SYNE1: variants seen among roughly 807,000 people sequenced by gnomAD.
SYNE1 encodes nesprin-1.
SYNE1 carries 616 observed loss-of-function variants against 1,111.0 expected under a neutral mutation model. That is an observed-to-expected ratio of 0.55 (90% CI 0.52 to 0.59). The LOEUF is 0.59. Ranked by LOEUF, SYNE1 falls within the 20% of genes least tolerant of loss-of-function variation. The pLI, the probability that SYNE1 is intolerant of heterozygous loss-of-function variation, is 0.00. For missense variants in SYNE1, 10,006 were observed against 10,417.0 expected, an observed-to-expected ratio of 0.96 and a Z score of 1.72; for synonymous variants, 3,855 against 3,825.8, an observed-to-expected ratio of 1.01 and a Z score of -0.28.
intron 14 of SYNE1, among the ~76,000 whole-genome samples, chr6:152,476,496 G>A (rs2098835588): frequency 6.6e-6 from 1 of 152,166 alleles, no homozygotes; most frequent in East Asian, 1.9e-4. Context: ...GATGGAAATG[G>A]TACCCTGGCT....
intron 66 of SYNE1, among the ~76,000 whole-genome samples, chr6:152,357,923 T>C (rs2154058106): frequency 6.6e-6 from 1 of 152,320 alleles, no homozygotes; most frequent in South Asian, 2.1e-4. Context: ...CTTCTAGAAC[T>C]CTGAGCCCGA....
chr6:152,315,966 A>G (rs1456203125), intron 87 of SYNE1: 1 of 152,240 alleles, frequency 6.6e-6, no homozygotes, highest in Non-Finnish European at 1.5e-5. Context: ...ACAAGGATAC[A>G]TAAATAATAT....
chr6:152,422,858 A>T (rs2098288517), intron 39 of SYNE1, among the ~76,000 whole-genome samples: 1 of 152,244 alleles, frequency 6.6e-6, no homozygotes, highest in Non-Finnish European at 1.5e-5. Context: ...TCCATTTAGC[A>T]TTTCACATTA....
rs2090045012 is a variant in SYNE1 at position 152,253,817 on chromosome 6, GGTTTTTTTTT to G, written c.19470+1053_19470+1062del. Among the ~76,000 whole-genome samples, 7 of 59,154 alleles carry G rather than the reference GGTTTTTTTTT, an allele frequency of 1.2e-4. 1 individual carries two copies. The highest frequency in any genetic ancestry group is 1.4e-3 in the South Asian group (2 of 1,474). 38.8% of individuals were successfully genotyped at this position (59,154 alleles called of 152,430 possible). A position where few individuals can be genotyped will look rare whatever the true frequency, so the allele number is the denominator to read the frequency against. ...ATGCTACATTTATGTGTAGTGGTTT[GGTTTTTTTTT>G]TTTTTTTTTTTTTTTTTTTTTTTTT... On this transcript the variant is annotated intron_variant, in intron 104 of 145. Transcript: ENST00000367255.
At chr6:152,336,535 T>C in intron 76 of SYNE1, 2 of 422,984 alleles carry the variant, frequency 4.7e-6, no homozygotes, top group South Asian at 4.2e-5. Flanking sequence ...CCTAGATCCC[T>C]TGCATGCGCA....
chr6:152,423,406 C>T (rs1031028072), intron 39 of SYNE1, among the ~76,000 whole-genome samples: 1 of 152,174 alleles, frequency 6.6e-6, no homozygotes, highest in Non-Finnish European at 1.5e-5. Flanking sequence ...CTCTAGGGGG[C>T]CAAGGGCCTC....
Position 152,330,306 on chromosome 6 carries a change from T to G in SYNE1, c.14379A>C (p.Gln4793His), listed in dbSNP as rs1554467447. The G allele has an allele frequency of 6.2e-7, 1 of 1,614,036 alleles. No homozygotes were observed. Among genetic ancestry groups the G allele is most frequent in the Admixed American group, 1.7e-5 (1 of 60,002 alleles). The change falls in exon 78 of 146, where the codon CAA (glutamine) becomes CAC (histidine). Residue 4793 changes from glutamine to histidine, a missense_variant. By Grantham distance (24) the Gln-to-His change is conservative. This residue lies in a region of SYNE1 where 4,955 missense variants were observed against 5,017.2 expected (regional missense o/e 0.99). Coordinates refer to ENST00000367255, the MANE Select transcript of SYNE1 (RefSeq NM_182961.4). ...HEKMCQQLER[Q>H]LKSVKEEQSK... is the part of the protein sequence containing the mutation. ...ACTGCTCCTCTTTTACAGACTTCAG[T>G]TGTCTCTCCAGCTGTTGGCACATCT... is the stretch of plus-strand genomic sequence containing the variant.
intron 36 of SYNE1, 139 bp downstream of exon 36, chr6:152,429,973 A>C (rs1055359934): frequency 7.6e-6 from 5 of 657,284 alleles, no homozygotes; most frequent in Admixed American, 4.7e-5. Flanking sequence ...TGAATACATT[A>C]GATCTATATA....
At chr6:152,449,746 T>C (rs2154249146) in intron 27 of SYNE1, 105 bp from the exon 28 acceptor site, 6 of 908,034 alleles carry the variant, frequency 6.6e-6, no homozygotes, top group Non-Finnish European at 1.1e-5. Flanking sequence ...AATTAAGTGA[T>C]TACCAAATTG....
intron 127 of SYNE1, among the ~76,000 whole-genome samples, chr6:152,193,931 T>A (rs2073343549): frequency 6.7e-6 from 1 of 149,562 alleles, no homozygotes; most frequent in Non-Finnish European, 1.5e-5. Flanking sequence ...GAGAATGGCA[T>A]GAACCCAGGA....
intron 3 of SYNE1, among the ~76,000 whole-genome samples, chr6:152,620,830 G>A (rs1257654125): frequency 6.6e-6 from 1 of 152,156 alleles, no homozygotes; most frequent in African/African-American, 2.4e-5. Context: ...ATTATGAAAT[G>A]CACTATGCTA....
chr6:152,360,783 T>C (rs2096918510), intron 64 of SYNE1, among the ~76,000 whole-genome samples: 1 of 152,202 alleles, frequency 6.6e-6, no homozygotes, highest in South Asian at 2.1e-4. Flanking sequence ...TAATTATAAT[T>C]ATATTATTTT....
intron 127 of SYNE1, among the ~76,000 whole-genome samples, chr6:152,193,125 A>G (rs765443186): frequency 1.3e-5 from 2 of 151,974 alleles, no homozygotes; most frequent in Non-Finnish European, 2.9e-5. Context: ...CTGGTTGTTT[A>G]TATGGTCTTC....
intron 95 of SYNE1, among the ~76,000 whole-genome samples, chr6:152,291,192 T>A (rs1383112882): frequency 9.0e-5 from 10 of 110,924 alleles, no homozygotes; most frequent in Non-Finnish European, 1.7e-4. Flanking sequence ...TATATTAATA[T>A]GATATATTAA....
intron 3 of SYNE1, among the ~76,000 whole-genome samples, chr6:152,594,782 G>A (rs1199647392): frequency 2.6e-5 from 4 of 152,078 alleles, no homozygotes; most frequent in Non-Finnish European, 4.4e-5. Context: ...AGTCTCTCCT[G>A]AGCCTAAGCC....
At chr6:152,527,760 C>T (rs1371879373) in intron 4 of SYNE1, among the ~76,000 whole-genome samples, 2 of 152,176 alleles carry the variant, frequency 1.3e-5, no homozygotes, top group Non-Finnish European at 2.9e-5. Flanking sequence ...AGGGAATTCT[C>T]ATAAAATAAT....
intron 93 of SYNE1, among the ~76,000 whole-genome samples, chr6:152,296,905 A>C (rs1390862149): frequency 1.3e-5 from 2 of 151,178 alleles, no homozygotes; most frequent in African/African-American, 4.9e-5. Context: ...TGTTTCTCTC[A>C]TTTTTATCAC....
intron 21 of SYNE1, among the ~76,000 whole-genome samples, chr6:152,459,553 G>A (rs1349950178): frequency 1.3e-5 from 2 of 152,184 alleles, no homozygotes; most frequent in Non-Finnish European, 2.9e-5. Flanking sequence ...GGAGGGCTCT[G>A]TAGTCCAAAC....
chr6:152,329,894 G>C lies in SYNE1; in HGVS notation c.14791C>G (p.Gln4931Glu), dbSNP rs370588857. Residue 4931 changes from glutamine (Q) to glutamate (E), a missense_variant, in exon 78 of 146, where the codon CAG becomes GAG. Physicochemically the swap from Gln to Glu is conservative, Grantham distance 29. This residue lies in a region of SYNE1 where 4,955 missense variants were observed against 5,017.2 expected (regional missense o/e 0.99). Transcript: ENST00000367255. ...QEEIRKIQIHQEEVQSSLRIM... is the reference protein window; with the variant it reads ...QEEIRKIQIHEEEVQSSLRIM... ...CTCAAGCTGGACTGGACCTCTTCCT[G>C]ATGAATTTGGATTTTTCTGATTTCC... is the stretch of plus-strand genomic sequence containing the variant. The C allele has an allele frequency of 3.4e-5, 55 of 1,614,024 alleles. No individual in the cohort carries two copies. The highest frequency in any genetic ancestry group is 4.1e-5 in the Non-Finnish European group (48 of 1,180,038).
Sources: allele counts gnomAD v4.1 joint callset (sites outside exome capture counted in the v4.1 genomes callset), GRCh38; gene constraint gnomAD v4.1.1; regional missense constraint gnomAD v4.1.1; transcripts MANE v1.5; gene names NCBI Gene and HGNC (gene_info 2026-07-23, HGNC 2026-07-21).